Variants in PGD observed in about 807,000 individuals in gnomAD.
The protein encoded by PGD is phosphogluconate dehydrogenase, also known as 6-phosphogluconate dehydrogenase, decarboxylating.
A neutral mutation model predicts 60.4 loss-of-function variants in PGD; 21 were observed. The observed-to-expected ratio is 0.35, with a 90% CI of 0.25 to 0.50. PGD has a LOEUF of 0.50. PGD is among the 20% of genes least tolerant of loss of function. The probability of loss-of-function intolerance (pLI) is 0.98; values close to 1 mark genes in which losing one functional copy is unlikely to be tolerated. For missense variants in PGD, 477 were observed against 613.1 expected, an observed-to-expected ratio of 0.78 and a Z score of 2.34; for synonymous variants, 230 against 235.9, an observed-to-expected ratio of 0.97 and a Z score of 0.23.
intron 6 of PGD, 63 bp downstream of exon 6, chr1:10,408,203 C>T (rs1222032624): frequency 3.1e-6 from 3 of 960,680 alleles, no homozygotes; most frequent in African/African-American, 1.6e-5. Context: ...TGATGAAGTG[C>T]GTGGAGAAAG....
chr1:10,402,379 CTT>C (rs916150328), intron 3 of PGD, among the ~76,000 whole-genome samples: 33 of 151,502 alleles, frequency 2.2e-4, no homozygotes, highest in Non-Finnish European at 4.1e-4. Context: ...CAGCCCTAAA[CTT>C]TTAAATAGTG....
chr1:10,404,481 T>G (rs892638425), intron 5 of PGD, among the ~76,000 whole-genome samples: 2 of 152,114 alleles, frequency 1.3e-5, no homozygotes, highest in Non-Finnish European at 2.9e-5. Flanking sequence ...TTTTTTCTTC[T>G]GTTATTTCTA....
chr1:10,403,464 G>T (rs1181168136), intron 4 of PGD, among the ~76,000 whole-genome samples: 1 of 151,944 alleles, frequency 6.6e-6, no homozygotes, highest in African/African-American at 2.4e-5. Context: ...GGTGGCATGC[G>T]CCTGTAGTCC....
intron 8 of PGD, among the ~76,000 whole-genome samples, chr1:10,415,618 G>C (rs1451565451): frequency 6.6e-6 from 1 of 152,206 alleles, no homozygotes; most frequent in Non-Finnish European, 1.5e-5. Context: ...CATCCTGTGT[G>C]TGCATTTGGG....
Position 10,403,128 on chromosome 1 carries a change from G to A in PGD, c.322G>A (p.Asp108Asn). 1 of 1,601,388 alleles carries A rather than the reference G, an allele frequency of 6.2e-7. No individual in the cohort carries two copies. Among genetic ancestry groups the A allele is most frequent in the East Asian group, 2.2e-5 (1 of 44,824 alleles). Residue 108 changes from aspartate (D) to asparagine (N), a missense_variant, in exon 4 of 13, where the codon GAC (aspartate) becomes AAC (asparagine). Coordinates refer to ENST00000270776, the MANE Select transcript of PGD (RefSeq NM_002631.4). ...TGACGGAGGAAATTCTGAATATAGG[G>A]ACACCACAGTAAGTGTTCTTCAGTC... ...IIDGGNSEYRDTTRRCRDLKA... is the reference protein window; with the variant it reads ...IIDGGNSEYRNTTRRCRDLKA...
At chr1:10,417,833 C>G (rs1639622963) in intron 10 of PGD, among the ~76,000 whole-genome samples, 1 of 152,114 alleles carries the variant, frequency 6.6e-6, no homozygotes, top group Non-Finnish European at 1.5e-5. Flanking sequence ...CCTCAGCGTC[C>G]TAAGTAACTG....
At chr1:10,411,580 C>G (rs374536312) in intron 7 of PGD, 28 bp downstream of exon 7, 123 of 1,613,342 alleles carry the variant, frequency 7.6e-5, no homozygotes, top group Non-Finnish European at 1.0e-4. Flanking sequence ...CCTCTGTGTC[C>G]GTTCTGCAGG....
Position 10,400,514 on chromosome 1 carries a change from G to A in PGD, c.206G>A (p.Arg69Gln), listed in dbSNP as rs1032586290. The change falls in exon 3 of 13, where the codon CGG becomes CAG. Residue 69 changes from arginine (R) to glutamine (Q), a missense_variant. Arg to Gln is a conservative substitution (Grantham distance 43, BLOSUM62 1). Around this residue, in one of 3 missense-constraint regions of PGD, gnomAD observed 431 missense variants for 556.6 expected, o/e 0.77. Coordinates refer to ENST00000270776, the MANE Select transcript of PGD (RefSeq NM_002631.4). Reference protein sequence around the residue: ...KEMVSKLKKPRRIILLVKAGQ... With the variant: ...KEMVSKLKKPQRIILLVKAGQ... ...ATGGTCTCCAAGCTGAAGAAGCCCC[G>A]GCGGATCATCCTCCTGGTGAAGGCT... The A allele has an allele frequency of 6.2e-7, 1 of 1,614,088 alleles. No homozygotes were observed. The highest frequency in any genetic ancestry group is 8.5e-7 in the Non-Finnish European group (1 of 1,180,004).
intron 6 of PGD, among the ~76,000 whole-genome samples, chr1:10,409,176 A>T (rs1251725245): frequency 6.6e-6 from 1 of 152,166 alleles, no homozygotes; most frequent in Non-Finnish European, 1.5e-5. Flanking sequence ...TTTATTATTC[A>T]ATTTTATTTT....
intron 2 of PGD, chr1:10,400,050 T>G: frequency 2.2e-6 from 1 of 450,942 alleles, no homozygotes; most frequent in Non-Finnish European, 4.0e-6. Flanking sequence ...AAATGTTTCT[T>G]CTAAATGTTA....
Position 10,419,730 on chromosome 1 carries a change from C to G in PGD, c.1433C>G (p.Ser478Cys), listed in dbSNP as rs1639659297. Residue 478 changes from serine (S) to cysteine (C), a missense_variant, in exon 13 of 13, where the codon TCC (serine) becomes TGC (cysteine). Around this residue, in one of 3 missense-constraint regions of PGD, gnomAD observed 44 missense variants for 40.3 expected, o/e 1.09. Coordinates refer to ENST00000270776, the MANE Select transcript of PGD (RefSeq NM_002631.4). Reference protein sequence around the residue: ...NWTGHGGTVSSSSYNA With the variant: ...NWTGHGGTVSCSSYNA Reference sequence around the variant, plus strand: ...ACAGGCCATGGTGGCACCGTGTCATCCTCGTCATACAATGCCTGATCATGC... The same window carrying G: ...ACAGGCCATGGTGGCACCGTGTCATGCTCGTCATACAATGCCTGATCATGC... The G allele has an allele frequency of 6.2e-7, 1 of 1,614,110 alleles. No individual in the cohort carries two copies. The highest frequency in any genetic ancestry group is 1.3e-5 in the African/African-American group (1 of 74,946).
Position 10,420,297 on chromosome 1 carries a change from A to G in PGD, c.*548A>G, listed in dbSNP as rs1140440. On this transcript the variant is annotated 3_prime_UTR_variant, in exon 13 of 13. Coordinates refer to ENST00000270776, the MANE Select transcript of PGD (RefSeq NM_002631.4). ...CTCAGAGGAGGCAGGCAGGGAGGACACACCAGGGGCTTTAATACACTGGGC... is the reference window on the plus strand; with the variant it reads ...CTCAGAGGAGGCAGGCAGGGAGGACGCACCAGGGGCTTTAATACACTGGGC... Among the ~76,000 whole-genome samples the G allele has an allele frequency of 6.6e-6, 1 of 151,704 alleles. No homozygotes were observed. Among genetic ancestry groups the G allele is most frequent in the East Asian group, 1.9e-4 (1 of 5,156 alleles).
rs1639657334 is a variant in PGD at position 10,419,662 on chromosome 1, T to C, written c.1365T>C (p.Tyr455=). The change falls in exon 13 of 13, where the codon TAT becomes TAC. Residue 455 remains tyrosine, a synonymous_variant. Transcript: ENST00000270776. ...GGGATTACTTCGGGGCTCACACCTATGAACTCTTGGCCAAACCAGGGCAGT... is the reference window on the plus strand; with the variant it reads ...GGGATTACTTCGGGGCTCACACCTACGAACTCTTGGCCAAACCAGGGCAGT... ...AQRDYFGAHT[Y]ELLAKPGQFI... 6.2e-7 allele frequency: 1 copy of C among 1,614,232 alleles called. No homozygotes were observed. The highest frequency in any genetic ancestry group is 8.5e-7 in the Non-Finnish European group (1 of 1,180,042).
chr1:10,403,410 C>T lies in PGD; in HGVS notation c.330+274C>T, dbSNP rs111782199. Among the ~76,000 whole-genome samples the T allele has an allele frequency of 0.035, 5,326 of 151,634 alleles. 122 individuals carry two copies. The highest frequency in any genetic ancestry group is 0.12 in the Middle Eastern group (36 of 290). On this transcript the variant is annotated intron_variant, in intron 4 of 12. Coordinates refer to ENST00000270776, the MANE Select transcript of PGD (RefSeq NM_002631.4). ...ATCAAGACCATCCTGGCTAACATGG[C>T]GAAAACCCGTCTCTACTAAAAATAC...
intron 10 of PGD, among the ~76,000 whole-genome samples, 188 bp from the exon 11 acceptor site, chr1:10,418,635 TGTA>T (rs1639637041): frequency 6.6e-6 from 1 of 151,930 alleles, no homozygotes; most frequent in African/African-American, 2.4e-5. Context: ...ATTAGCCGGT[TGTA>T]GTGGTGCGTG....
At chr1:10,406,506 T>A (rs1173653355) in intron 5 of PGD, among the ~76,000 whole-genome samples, 3 of 152,246 alleles carry the variant, frequency 2.0e-5, no homozygotes, top group African/African-American at 7.2e-5. Context: ...CTCCAGTTGT[T>A]TCCATCAGTT....
At chr1:10,405,425 C>CACACACACACACAT (rs548786254) in intron 5 of PGD, among the ~76,000 whole-genome samples, 21,545 of 149,138 alleles carry the variant, frequency 0.14, 1,871 homozygotes, top group Non-Finnish European at 0.2. Context: ...CACACACACA[C>CACACACACACACAT]ATATATATAA....
At position 10,418,502 on chromosome 1, in the gene PGD, C is replaced by T. The variant is rs561114651; in HGVS notation, c.1110-324C>T. Among the ~76,000 whole-genome samples the T allele has an allele frequency of 3.2e-4, 49 of 152,082 alleles. 2 individuals carry two copies. Among genetic ancestry groups the T allele is most frequent in the Non-Finnish European group, 1.5e-4 (10 of 68,012 alleles). ...TTAAGATTCATTGCATTTGGCCGGG[C>T]GCGGTGGCTCACACCTGTAATCCCA... On this transcript the variant is annotated intron_variant, in intron 10 of 12. Transcript: ENST00000270776.
At chr1:10,405,425 C>CACAT (rs548786254) in intron 5 of PGD, among the ~76,000 whole-genome samples, 62 of 149,566 alleles carry the variant, frequency 4.1e-4, no homozygotes, top group Non-Finnish European at 6.7e-4. Context: ...CACACACACA[C>CACAT]ATATATATAA....
Sources: allele counts gnomAD v4.1 joint callset (sites outside exome capture counted in the v4.1 genomes callset), GRCh38; gene constraint gnomAD v4.1.1; regional missense constraint gnomAD v4.1.1; transcripts MANE v1.5; gene names NCBI Gene and HGNC (gene_info 2026-07-23, HGNC 2026-07-21).